The following HSD17B2 variants were observed in gnomAD, a reference collection of about 807,000 sequenced individuals.
The protein encoded by HSD17B2 is hydroxysteroid 17-beta dehydrogenase 2.
Under a neutral mutation model 26.9 loss-of-function variants are expected in HSD17B2, and 32 were observed. The ratio of observed to expected loss-of-function variants is 1.19; its 90% CI spans 0.90 to 1.60. The LOEUF (loss-of-function observed/expected upper bound fraction) is 1.60. Among genes scored for constraint, HSD17B2 ranks in the 40% most tolerant of loss-of-function variants. HSD17B2 has a pLI of 0.00. For synonymous variants in HSD17B2, 246 were observed against 186.7 expected (o/e 1.32, Z -2.59); for missense variants, 613 against 468.6 (o/e 1.31, Z -2.85).
chr16:82,071,493 C>T (rs892387680), intron 3 of HSD17B2: 3 of 360,280 alleles, frequency 8.3e-6, no homozygotes, highest in African/African-American at 6.4e-5. Context: ...ATTTAACACA[C>T]TGTGTTCAGT....
chr16:82,039,616 G>C (rs949955749), intron 1 of HSD17B2, among the ~76,000 whole-genome samples: 1 of 152,106 alleles, frequency 6.6e-6, no homozygotes, highest in Non-Finnish European at 1.5e-5. Context: ...CCTTCATCTT[G>C]GACACACATT....
chr16:82,070,077 A>G (rs1043671599), intron 2 of HSD17B2, among the ~76,000 whole-genome samples: 1 of 152,182 alleles, frequency 6.6e-6, no homozygotes, highest in Non-Finnish European at 1.5e-5. Context: ...ATACAAAGTT[A>G]TCTATCAGAC....
chr16:82,050,833 T>C (rs964475864), intron 1 of HSD17B2, among the ~76,000 whole-genome samples: 22 of 152,226 alleles, frequency 1.4e-4, no homozygotes, highest in Admixed American at 5.9e-4. Context: ...TGTTTTTAAA[T>C]CTTGGCACTA....
intron 1 of HSD17B2, among the ~76,000 whole-genome samples, chr16:82,055,252 A>G (rs917497720): frequency 1.3e-5 from 2 of 152,184 alleles, no homozygotes; most frequent in African/African-American, 4.8e-5. Context: ...TTCCTGTCTG[A>G]GAGCCTTTGC....
chr16:82,057,978 T>A (rs770167328), intron 1 of HSD17B2, among the ~76,000 whole-genome samples: 5 of 151,872 alleles, frequency 3.3e-5, no homozygotes, highest in Admixed American at 3.3e-4. Context: ...GAATAAAGTA[T>A]AGAATTTAGT....
At chr16:82,054,208 GAA>G (rs74264895) in intron 1 of HSD17B2, among the ~76,000 whole-genome samples, 66 of 85,682 alleles carry the variant, frequency 7.7e-4, no homozygotes, top group Admixed American at 2.3e-3. Context: ...CCCACATATC[GAA>G]AAAAAAAAAA....
intron 2 of HSD17B2, among the ~76,000 whole-genome samples, chr16:82,069,980 G>A (rs755089239): frequency 3.3e-5 from 5 of 152,268 alleles, no homozygotes; most frequent in African/African-American, 1.2e-4. Context: ...TGATGCTAAT[G>A]TTAGCGCAGG....
intron 3 of HSD17B2, among the ~76,000 whole-genome samples, chr16:82,089,167 A>T (rs919598655): frequency 6.6e-6 from 1 of 152,152 alleles, no homozygotes; most frequent in African/African-American, 2.4e-5. Flanking sequence ...GATCTGTTTT[A>T]CTAGAGATTA....
At chr16:82,074,917 T>C (rs924438332) in intron 3 of HSD17B2, among the ~76,000 whole-genome samples, 1 of 152,218 alleles carries the variant, frequency 6.6e-6, no homozygotes, top group East Asian at 1.9e-4. Flanking sequence ...CCTGAGCACA[T>C]GGATCGTTCT....
chr16:82,056,548 G>C (rs977805321), intron 1 of HSD17B2: 8 of 152,148 alleles, frequency 5.3e-5, no homozygotes, highest in African/African-American at 1.9e-4. Context: ...AGTCAGGATC[G>C]TGGTAACCTG....
In HSD17B2 at chr16:82,081,805, T is replaced by C. The variant is rs182389671; in HGVS notation, c.665-9097T>C. ...AGTTCTGGGGTACATGTGTGTTCCA[T>C]TGCAGCACTATTCACAATAGCAAAG... On this transcript the variant is annotated intron_variant, in intron 3 of 4. Transcript: ENST00000199936. Among the ~76,000 whole-genome samples the C allele has an allele frequency of 1.8e-4, 27 of 152,308 alleles. 1 individual carries two copies. The highest frequency in any genetic ancestry group is 6.3e-4 in the African/African-American group (26 of 41,586).
chr16:82,049,019 G>C (rs8191087), intron 1 of HSD17B2, among the ~76,000 whole-genome samples: 49 of 152,316 alleles, frequency 3.2e-4, no homozygotes, highest in African/African-American at 1.2e-3. Context: ...TTCTGGGCTG[G>C]AACAGGTAGT....
At chr16:82,097,742 C>A (rs552458265) in intron 4 of HSD17B2, 1 of 163,838 alleles carries the variant, frequency 6.1e-6, no homozygotes, top group African/African-American at 2.4e-5. Flanking sequence ...AGTTCAAGAC[C>A]AGCCTGGCCA....
At chr16:82,086,454 A>C (rs1228654475) in intron 3 of HSD17B2, among the ~76,000 whole-genome samples, 1 of 152,192 alleles carries the variant, frequency 6.6e-6, no homozygotes, top group Non-Finnish European at 1.5e-5. Flanking sequence ...TACTGTCAAC[A>C]ATATATCACA....
At chr16:82,094,690 C>A (rs1427427023) in intron 4 of HSD17B2, 1 of 152,186 alleles carries the variant, frequency 6.6e-6, no homozygotes, top group Non-Finnish European at 1.5e-5. Flanking sequence ...GAAAAGGAAT[C>A]TTCAGGGACA....
At chr16:82,074,346 T>C (rs1914765327) in intron 3 of HSD17B2, among the ~76,000 whole-genome samples, 1 of 152,224 alleles carries the variant, frequency 6.6e-6, no homozygotes, top group Non-Finnish European at 1.5e-5. Context: ...GAAATGAGTT[T>C]ATTTGTAGGA....
At chr16:82,077,733 A>G (rs1904309944) in intron 3 of HSD17B2, among the ~76,000 whole-genome samples, 1 of 150,680 alleles carries the variant, frequency 6.6e-6, no homozygotes, top group African/African-American at 2.4e-5. Context: ...CCTGTTTCAA[A>G]AGAAAGAAAG....
At chr16:82,090,144 G>C (rs1488717055) in intron 3 of HSD17B2, 4 of 769,500 alleles carry the variant, frequency 5.2e-6, no homozygotes, top group Non-Finnish European at 6.3e-6. Context: ...CAAGTATTGA[G>C]CACAATCTGT....
intron 3 of HSD17B2, among the ~76,000 whole-genome samples, chr16:82,085,103 A>T (rs1047869910): frequency 3.3e-5 from 5 of 152,246 alleles, no homozygotes; most frequent in African/African-American, 1.2e-4. Context: ...ACAAATTAAA[A>T]GATCTAGAAG....
Sources: allele counts gnomAD v4.1 joint callset (sites outside exome capture counted in the v4.1 genomes callset), GRCh38; gene constraint gnomAD v4.1.1; transcripts MANE v1.5; gene names NCBI Gene and HGNC (gene_info 2026-07-23, HGNC 2026-07-21).